NISCH: variants seen among roughly 807,000 people sequenced by gnomAD.
NISCH encodes the protein I-1 receptor candidate protein.
In NISCH, 55 loss-of-function variants were observed where a neutral mutation model predicts 138.4. The ratio of observed to expected loss-of-function variants is 0.40; its 90% CI spans 0.32 to 0.50. The LOEUF is 0.50. Ranked by LOEUF, NISCH falls within the 20% of genes least tolerant of loss-of-function variation. NISCH has a pLI of 0.71. For synonymous variants in NISCH, 860 were observed against 861.5 expected, an observed-to-expected ratio of 1.00 and a Z score of 0.03; for missense variants, 1,643 against 2,005.5, an observed-to-expected ratio of 0.82 and a Z score of 3.45.
rs541141542 is a variant in NISCH at position 52,484,252 on chromosome 3, A to ATC, written c.1529-258_1529-257dup. The ATC allele has an allele frequency of 4.3e-3, 1,863 of 429,828 alleles. 20 individuals carry two copies. The highest frequency in any genetic ancestry group is 0.022 in the South Asian group (530 of 24,380). The allele number at this position is 429,828 out of a possible 1,614,324, so 26.6% of individuals were successfully genotyped here. A position where few individuals can be genotyped will look rare whatever the true frequency, so the allele number is the denominator to read the frequency against. On this transcript the variant is annotated intron_variant, in intron 13 of 20. Coordinates refer to ENST00000345716, the MANE Select transcript of NISCH (RefSeq NM_007184.4). ...GGAAGTTTAATTTTTATGTAGTCAC[A>ATC]TCTCAGTTTTTTTCCATTGCATTTA...
In NISCH at chr3:52,480,166, T is replaced by G. The variant is rs770461605; in HGVS notation, c.1417-18T>G. On this transcript the variant is annotated intron_variant, in intron 12 of 20. Transcript: ENST00000345716. Reference sequence around the variant, plus strand: ...GCTTCCTCTTCTCTCCCGGGCTGACTCAAGCACTCGTCCTCAGGGTGGTGA... The same window carrying G: ...GCTTCCTCTTCTCTCCCGGGCTGACGCAAGCACTCGTCCTCAGGGTGGTGA... 6.2e-7 allele frequency: 1 copy of G among 1,613,514 alleles called. No homozygotes were observed. Among genetic ancestry groups the G allele is most frequent in the Non-Finnish European group, 8.5e-7 (1 of 1,179,906 alleles).
intron 13 of NISCH, chr3:52,481,945 C>G: frequency 1.0e-6 from 1 of 984,298 alleles, no homozygotes; most frequent in African/African-American, 1.7e-5. Flanking sequence ...TGGTGAGAAA[C>G]AGCAAAGATC....
chr3:52,471,013 C>T, intron 4 of NISCH, 106 bp downstream of exon 4: 1 of 1,121,292 alleles, frequency 8.9e-7, no homozygotes, highest in Admixed American at 1.7e-5. Context: ...CCACCTACCT[C>T]CCCTGTAGGT....
intron 3 of NISCH, 48 bp from the exon 4 acceptor site, chr3:52,470,805 CCAGGGA>C (rs1306324361): frequency 6.7e-7 from 1 of 1,499,238 alleles, no homozygotes; most frequent in East Asian, 2.3e-5. Flanking sequence ...GAATGTGACC[CCAGGGA>C]CTGGGGTCAG....
chr3:52,492,638 C>CT lies in NISCH; in HGVS notation c.*159dup. On this transcript the variant is annotated 3_prime_UTR_variant, in exon 21 of 21. Transcript: ENST00000345716. ...AACATGTGTGTGTGTTGTGTTAATTCTTTCTCATGTTGGGAGTGAGAATGC... is the reference window on the plus strand; with the variant it reads ...AACATGTGTGTGTGTTGTGTTAATTCTTTTCTCATGTTGGGAGTGAGAATGC... 1 of 1,071,792 alleles carries CT rather than the reference C, an allele frequency of 9.3e-7. No homozygotes were observed. Among genetic ancestry groups the CT allele is most frequent in the East Asian group, 2.6e-5 (1 of 38,126 alleles). The allele number at this position is 1,071,792 out of a possible 1,614,324, so 66.4% of individuals were successfully genotyped here.
intron 12 of NISCH, 77 bp from the exon 13 acceptor site, chr3:52,480,107 C>G (rs561218633): frequency 6.5e-7 from 1 of 1,538,626 alleles, no homozygotes; most frequent in Admixed American, 1.7e-5. Flanking sequence ...CCGTTGCGCT[C>G]CCTCCTCACA....
At chr3:52,477,431 G>A (rs1559633504) in intron 8 of NISCH, 143 bp from the exon 9 acceptor site, 1 of 658,348 alleles carries the variant, frequency 1.5e-6, no homozygotes, top group Non-Finnish European at 2.7e-6. Flanking sequence ...AGCGGGAGAT[G>A]TCCCACCAGT....
chr3:52,482,277 C>A (rs6800707), intron 13 of NISCH, among the ~76,000 whole-genome samples: 1 of 152,060 alleles, frequency 6.6e-6, no homozygotes, highest in Non-Finnish European at 1.5e-5. Flanking sequence ...AGAAGGGAGC[C>A]TGCTTGCGAA....
intron 3 of NISCH, among the ~76,000 whole-genome samples, chr3:52,462,804 T>C (rs1706672778): frequency 6.6e-6 from 1 of 151,872 alleles, no homozygotes; most frequent in Non-Finnish European, 1.5e-5. Flanking sequence ...ACCCAGCTAA[T>C]TTTTTGTATT....
At chr3:52,472,511 A>G in intron 6 of NISCH, 113 bp downstream of exon 6, 1 of 930,442 alleles carries the variant, frequency 1.1e-6, no homozygotes. Flanking sequence ...CGTGTTTGGC[A>G]GTATGTGACA....
At chr3:52,479,997 G>A (rs945330908) in intron 12 of NISCH, 135 bp downstream of exon 12, 16 of 953,074 alleles carry the variant, frequency 1.7e-5, no homozygotes, top group East Asian at 7.8e-5. Flanking sequence ...GCATGACCTC[G>A]GGCAAGTCGC....
In NISCH at chr3:52,478,073, A is replaced by G. The variant is rs376553424; in HGVS notation, c.988-24A>G. 4.0e-4 allele frequency: 641 copies of G among 1,611,882 alleles called. 1 individual carries two copies. Among genetic ancestry groups the G allele is most frequent in the Non-Finnish European group, 5.2e-4 (611 of 1,179,408 alleles). On this transcript the variant is annotated intron_variant, in intron 9 of 20. Coordinates refer to ENST00000345716, the MANE Select transcript of NISCH (RefSeq NM_007184.4). ...TTGGAGACTTGACCTGAGCCACTTTACGCTGTTCTCCACGCCGCTGCAGCA... is the reference window on the plus strand; with the variant it reads ...TTGGAGACTTGACCTGAGCCACTTTGCGCTGTTCTCCACGCCGCTGCAGCA...
chr3:52,467,298 C>T (rs969065826), intron 3 of NISCH, among the ~76,000 whole-genome samples: 1 of 152,078 alleles, frequency 6.6e-6, no homozygotes, highest in African/African-American at 2.4e-5. Context: ...GGTGCCCAGC[C>T]GAGAATGTCC....
intron 13 of NISCH, chr3:52,480,818 C>A: frequency 6.6e-7 from 1 of 1,515,052 alleles, no homozygotes; most frequent in Non-Finnish European, 8.8e-7. Context: ...CATGGAAGAC[C>A]AGGCCCATTC....
At chr3:52,474,481 A>G (rs1373387332) in intron 7 of NISCH, among the ~76,000 whole-genome samples, 1 of 152,136 alleles carries the variant, frequency 6.6e-6, no homozygotes, top group Non-Finnish European at 1.5e-5. Context: ...TATTTTTAGT[A>G]GAGACGGGGT....
chr3:52,489,763 C>T lies in NISCH; in HGVS notation c.3456+85C>T, dbSNP rs1707512903. 2.0e-6 allele frequency: 3 copies of T among 1,532,918 alleles called. No individual in the cohort carries two copies. In the African/African-American group the frequency reaches 4.1e-5, roughly 21 times the overall value. The allele number at this position is 1,532,918 out of a possible 1,614,324, so 95.0% of individuals were successfully genotyped here. On this transcript the variant is annotated intron_variant, in intron 17 of 20. Coordinates refer to ENST00000345716, the MANE Select transcript of NISCH (RefSeq NM_007184.4). ...CTTGGCTTCAGGTCAGCCTCAGGTC[C>T]CTGGACTTCCCTGATGTCGGAGTCC... is the stretch of plus-strand genomic sequence containing the variant.
rs1246490500 is a variant in NISCH at position 52,477,564 on chromosome 3, C to T, written c.919-10C>T. ...CTACAGTAACATCGGGTGTTCTTTTCTTTCACAAGAAACTGATCCCAAAGA... is the reference window on the plus strand; with the variant it reads ...CTACAGTAACATCGGGTGTTCTTTTTTTTCACAAGAAACTGATCCCAAAGA... On this transcript the variant is annotated splice_polypyrimidine_tract_variant and intron_variant, in intron 8 of 20. Transcript: ENST00000345716. 2 of 1,613,200 alleles carry T rather than the reference C, an allele frequency of 1.2e-6. No individual in the cohort carries two copies. The highest frequency in any genetic ancestry group is 1.7e-6 in the Non-Finnish European group (2 of 1,179,258).
In NISCH at chr3:52,492,129, G is replaced by A. The variant is rs1183903464; in HGVS notation, c.4162G>A (p.Val1388Ile). The A allele has an allele frequency of 1.1e-5, 17 of 1,613,096 alleles. No homozygotes were observed. The South Asian group carries it at 1.9e-4, about 18-fold the overall frequency. ...SEIFLLDEDC[V>I]HYPLPEFAKE... ...GATCTTCCTCCTGGATGAGGACTGT[G>A]TCCACTACCCACTGCCCGAGTTTGC... The change falls in exon 21 of 21, where the codon GTC becomes ATC. Residue 1388 changes from valine to isoleucine, a missense_variant. By Grantham distance (29) the Val-to-Ile change is conservative. Transcript: ENST00000345716.
Position 52,455,658 on chromosome 3 carries a change from C to T in NISCH, c.17C>T (p.Thr6Ile). The T allele has an allele frequency of 2.2e-6, 3 of 1,351,776 alleles. No individual in the cohort carries two copies. Among genetic ancestry groups the T allele is most frequent in the Non-Finnish European group, 1.9e-6 (2 of 1,043,268 alleles). 83.7% of individuals were successfully genotyped at this position (1,351,776 alleles called of 1,614,324 possible). ...GACCCGAACATGGCGACCGCGCGCA[C>T]CTTCGGGCCCGAGCGGGAAGCCGAG... MATAR[T>I]FGPEREAEPA... The change falls in exon 1 of 21, where the codon ACC becomes ATC. Residue 6 changes from threonine (T) to isoleucine (I), a missense_variant. Physicochemically the swap from Thr to Ile is moderately conservative, Grantham distance 89. Transcript: ENST00000345716.
Sources: allele counts gnomAD v4.1 joint callset (sites outside exome capture counted in the v4.1 genomes callset), GRCh38; gene constraint gnomAD v4.1.1; transcripts MANE v1.5; gene names NCBI Gene and HGNC (gene_info 2026-07-23, HGNC 2026-07-21).